The following MAFK variants were observed in gnomAD, a reference collection of about 807,000 sequenced individuals.
MAFK encodes the protein MAF bZIP transcription factor K.
In MAFK, 1 loss-of-function variant was observed where a neutral mutation model predicts 9.2. The observed-to-expected ratio is 0.11, with a 90% CI of 0.04 to 0.52. MAFK has a LOEUF of 0.52. MAFK is among the 20% of genes least tolerant of loss of function. The pLI is 0.94. For missense variants in MAFK, 207 were observed against 236.0 expected, an observed-to-expected ratio of 0.88 and a Z score of 0.81; for synonymous variants, 110 against 107.4, an observed-to-expected ratio of 1.02 and a Z score of -0.15.
At chr7:1,537,690 C>T (rs1784067326) in intron 1 of MAFK, 10 of 985,630 alleles carry the variant, frequency 1.0e-5, no homozygotes, top group Non-Finnish European at 1.2e-5. Context: ...GCGCAGGACC[C>T]TGTCTCACCT....
At chr7:1,539,890 G>A (rs1381521897) in intron 2 of MAFK, 51 bp from the exon 3 acceptor site, 1 of 1,439,176 alleles carries the variant, frequency 6.9e-7, no homozygotes, top group Non-Finnish European at 9.2e-7. Flanking sequence ...GTCGGTCCCA[G>A]GCAGACACCC....
intron 1 of MAFK, chr7:1,537,792 G>T (rs1332457228): frequency 1.3e-6 from 1 of 743,536 alleles, no homozygotes; most frequent in African/African-American, 1.9e-5. Context: ...TGGGCCCGAG[G>T]GCTCCCTGGC....
Position 1,540,185 on chromosome 7 carries a change from C to T in MAFK, c.281C>T (p.Ala94Val), listed in dbSNP as rs867141733. Residue 94 changes from alanine to valine, a missense_variant, in exon 3 of 3, where the codon GCG (alanine) becomes GTG (valine). Ala to Val is a moderately conservative substitution (Grantham distance 64). Coordinates refer to ENST00000343242, the MANE Select transcript of MAFK (RefSeq NM_002360.4). ...CTGCAGCAGGAGGTGGAGAAGCTGG[C>T]GCGTGAGAACAGCAGCATGCGGCTG... ...VELQQEVEKL[A>V]RENSSMRLEL... The T allele has an allele frequency of 1.6e-5, 25 of 1,578,540 alleles. No individual in the cohort carries two copies. The highest frequency in any genetic ancestry group is 1.7e-4 in the Middle Eastern group (1 of 6,036).
rs1190498932 is a variant in MAFK, at chr7:1,534,612, C to A, written c.-45+3714C>A. ...TCCCGCATCCCACATCCTCGGAGAC[C>A]CGCGGAGAATAGAAGTGGAAGGGCC... On this transcript the variant is annotated intron_variant, in intron 1 of 2. Coordinates refer to ENST00000343242, the MANE Select transcript of MAFK (RefSeq NM_002360.4). The surrounding 1 kb of genome is among the most constrained non-coding windows in gnomAD (Gnocchi z 4.3). 2.2e-6 allele frequency: 1 copy of A among 456,170 alleles called. No individual in the cohort carries two copies. Among genetic ancestry groups the A allele is most frequent in the Non-Finnish European group, 4.4e-6 (1 of 226,820 alleles). The allele number at this position is 456,170 out of a possible 1,614,324, so 28.3% of individuals were successfully genotyped here. A position where few individuals can be genotyped will look rare whatever the true frequency, so the allele number is the denominator to read the frequency against.
At chr7:1,538,389 G>A (rs941636160) in intron 1 of MAFK, 4 of 985,404 alleles carry the variant, frequency 4.1e-6, no homozygotes, top group Non-Finnish European at 3.6e-6. Flanking sequence ...CCCTTGGGCC[G>A]CAGGGTCCTC....
Position 1,541,450 on chromosome 7 carries a change from G to C in MAFK, c.*1075G>C, listed in dbSNP as rs568385725. ...CATGGATGTGGAGGTGGAAGGAGGA[G>C]GACGTTGCGTGGAGTGGTGGGAGGA... On this transcript the variant is annotated 3_prime_UTR_variant, in exon 3 of 3. Transcript: ENST00000343242. 1 of 153,438 alleles carries C rather than the reference G, an allele frequency of 6.5e-6. No individual in the cohort carries two copies. Among genetic ancestry groups the C allele is most frequent in the African/African-American group, 2.4e-5 (1 of 41,428 alleles). The allele number at this position is 153,438 out of a possible 1,614,324, so 9.5% of individuals were successfully genotyped here.
chr7:1,538,811 G>A (rs1029026380), intron 1 of MAFK: 2 of 254,438 alleles, frequency 7.9e-6, no homozygotes, highest in South Asian at 4.3e-5. Flanking sequence ...CCACAGTGCC[G>A]GCGGCTGCAG....
chr7:1,535,286 G>A (rs1215255436), intron 1 of MAFK, among the ~76,000 whole-genome samples: 4 of 152,286 alleles, frequency 2.6e-5, no homozygotes, highest in South Asian at 4.1e-4. Context: ...CACAGCAAGA[G>A]GTGCCAAGGC....
At chr7:1,533,948 TG>T in intron 1 of MAFK, 1 of 287,610 alleles carries the variant, frequency 3.5e-6, no homozygotes, top group Non-Finnish European at 7.1e-6. Context: ...GGGCGGGGAC[TG>T]GAGGGGGTGT....
At chr7:1,539,860 G>C in intron 2 of MAFK, 81 bp from the exon 3 acceptor site, 1 of 1,256,780 alleles carries the variant, frequency 8.0e-7, no homozygotes, top group Non-Finnish European at 1.1e-6. Flanking sequence ...GGGCACCGCT[G>C]GGTTCCTGGC....
chr7:1,539,105 G>A (rs938656066), intron 1 of MAFK, 44 bp from the exon 2 acceptor site: 21 of 1,515,366 alleles, frequency 1.4e-5, no homozygotes, highest in South Asian at 4.5e-5. Context: ...CGGCGCTGCC[G>A]GCCCTGACCT....
rs10270131 is a variant in MAFK at position 1,532,975 on chromosome 7, T to C, written c.-45+2077T>C. On this transcript the variant is annotated intron_variant, in intron 1 of 2. Transcript: ENST00000343242. This position sits in a 1 kb window ranked among gnomAD's most constrained non-coding sequence, Gnocchi z 4.5. ...TGCTCTCCGCGAATGGAAGATGCCT[T>C]TCCCCGCTATTTATTTTTGCTTTTT... Among the ~76,000 whole-genome samples the C allele has an allele frequency of 0.016, 2,438 of 152,296 alleles. 64 individuals carry two copies. The highest frequency in any genetic ancestry group is 0.055 in the African/African-American group (2,273 of 41,556).
Position 1,534,737 on chromosome 7 carries a change from C to T in MAFK, c.-45+3839C>T. 2.3e-6 allele frequency: 1 copy of T among 432,946 alleles called. No homozygotes were observed. The highest frequency in any genetic ancestry group is 1.6e-5 in the South Asian group (1 of 63,048). The allele number at this position is 432,946 out of a possible 1,614,324, so 26.8% of individuals were successfully genotyped here. Reference sequence around the variant, plus strand: ...GCAAGAACAAGTGACCCATCCAGAGCCCCCATGCTGGCCTCGTAGAGCGAG... The same window carrying T: ...GCAAGAACAAGTGACCCATCCAGAGTCCCCATGCTGGCCTCGTAGAGCGAG... On this transcript the variant is annotated intron_variant, in intron 1 of 2. Coordinates refer to ENST00000343242, the MANE Select transcript of MAFK (RefSeq NM_002360.4). The surrounding 1 kb of genome is among the most constrained non-coding windows in gnomAD (Gnocchi z 4.3).
In MAFK at chr7:1,534,725, A is replaced by T; in HGVS notation, c.-45+3827A>T. The T allele has an allele frequency of 2.3e-6, 1 of 443,062 alleles. No homozygotes were observed. Among genetic ancestry groups the T allele is most frequent in the Non-Finnish European group, 4.6e-6 (1 of 216,998 alleles). 27.4% of individuals were successfully genotyped at this position (443,062 alleles called of 1,614,324 possible). On this transcript the variant is annotated intron_variant, in intron 1 of 2. Transcript: ENST00000343242. This position sits in a 1 kb window ranked among gnomAD's most constrained non-coding sequence, Gnocchi z 4.3. ...TTCACCCCTTGGGCAAGAACAAGTG[A>T]CCCATCCAGAGCCCCCATGCTGGCC...
At chr7:1,538,449 A>G (rs1583201239) in intron 1 of MAFK, 2 of 757,870 alleles carry the variant, frequency 2.6e-6, no homozygotes, top group African/African-American at 4.5e-5. Flanking sequence ...CGCAGCGGCC[A>G]GGGCCGTGGT....
Position 1,538,341 on chromosome 7 carries a change from C to A in MAFK, c.-44-808C>A, listed in dbSNP as rs1252732001. On this transcript the variant is annotated intron_variant, in intron 1 of 2. Coordinates refer to ENST00000343242, the MANE Select transcript of MAFK (RefSeq NM_002360.4). ...CCCCCACCTCCCTGGTCTCTGGCTG[C>A]GGCCCCCGGACCTGCCGCCCCTCAG... is the stretch of plus-strand genomic sequence containing the variant. 3.0e-6 allele frequency: 3 copies of A among 984,604 alleles called. No individual in the cohort carries two copies. In the African/African-American group the frequency reaches 5.2e-5, roughly 17 times the overall value. The allele number at this position is 984,604 out of a possible 1,614,324, so 61.0% of individuals were successfully genotyped here.
In MAFK at chr7:1,539,969, C is replaced by G; in HGVS notation, c.65C>G (p.Pro22Arg). The change falls in exon 3 of 3, where the codon CCG (proline) becomes CGG (arginine). Residue 22 changes from proline to arginine, a missense_variant. Physicochemically the swap from Pro to Arg is moderately radical, Grantham distance 103. Transcript: ENST00000343242. The part of the protein sequence containing the change: ...KVKKEAGENA[P>R]VLSDDELVSM... ...AAGAAGGAGGCGGGCGAGAACGCCC[C>G]GGTGCTCAGCGATGATGAGCTGGTG... 1.9e-6 allele frequency: 3 copies of G among 1,546,420 alleles called. No individual in the cohort carries two copies. Among genetic ancestry groups the G allele is most frequent in the Non-Finnish European group, 1.7e-6 (2 of 1,143,368 alleles).
intron 1 of MAFK, chr7:1,538,015 C>T (rs10259472): frequency 1.4e-3 from 222 of 157,608 alleles, no homozygotes; most frequent in African/African-American, 5.0e-3. Flanking sequence ...GCCTTCTGCC[C>T]GCCCGTCCCG....
chr7:1,535,899 G>A (rs10239386), intron 1 of MAFK, among the ~76,000 whole-genome samples: 3,406 of 152,324 alleles, frequency 0.022, 125 homozygotes, highest in African/African-American at 0.077. Context: ...TCCTGGCTCC[G>A]TCACTCATCC....
Sources: allele counts gnomAD v4.1 joint callset (sites outside exome capture counted in the v4.1 genomes callset), GRCh38; gene constraint gnomAD v4.1.1; non-coding constraint Gnocchi (gnomAD v3.1); transcripts MANE v1.5; gene names NCBI Gene and HGNC (gene_info 2026-07-23, HGNC 2026-07-21).